NCBP1: variants seen among roughly 807,000 people sequenced by gnomAD.
NCBP1 encodes the protein nuclear cap-binding protein subunit 1.
A neutral mutation model predicts 111.7 loss-of-function variants in NCBP1; 16 were observed. The ratio of observed to expected loss-of-function variants is 0.14; its 90% CI spans 0.10 to 0.22. The LOEUF (loss-of-function observed/expected upper bound fraction) is 0.22, where lower values mean the gene tolerates loss of function less well. Ranked by LOEUF, NCBP1 falls within the 10% of genes least tolerant of loss-of-function variation. NCBP1 has a pLI of 1.00. For missense variants in NCBP1, 607 were observed against 957.5 expected (o/e 0.63, Z 4.83); for synonymous variants, 304 against 314.3 (o/e 0.97, Z 0.35).
Position 97,672,719 on chromosome 9 carries a change from TG to T in NCBP1, c.*1521del. On this transcript the variant is annotated 3_prime_UTR_variant, in exon 23 of 23. Transcript: ENST00000375147. The stretch of plus-strand genomic sequence containing the variant: ...GACCAGCCCCTTGTCTTCCTCAGCC[TG>T]CTCAACGTGAAGATGATGAGGATGA... 1 of 179,856 alleles carries T rather than the reference TG, an allele frequency of 5.6e-6. No individual in the cohort carries two copies. 11.1% of individuals were successfully genotyped at this position (179,856 alleles called of 1,614,324 possible).
At chr9:97,643,823 T>G (rs542880681) in intron 4 of NCBP1, among the ~76,000 whole-genome samples, 3 of 152,284 alleles carry the variant, frequency 2.0e-5, no homozygotes, top group South Asian at 2.1e-4. Flanking sequence ...TAGCATAGTT[T>G]ATGCCTTCCT....
chr9:97,660,663 T>C (rs1007887331), intron 15 of NCBP1, among the ~76,000 whole-genome samples: 3 of 152,212 alleles, frequency 2.0e-5, no homozygotes, highest in Admixed American at 1.3e-4. Flanking sequence ...ACCATTCATC[T>C]TGAGGATGAT....
intron 20 of NCBP1, 32 bp downstream of exon 20, chr9:97,666,909 A>G (rs1828021264): frequency 1.4e-6 from 2 of 1,411,360 alleles, no homozygotes; most frequent in African/African-American, 1.5e-5. Flanking sequence ...AAGTAGTTAA[A>G]GAAAATATAC....
intron 12 of NCBP1, 96 bp downstream of exon 12, chr9:97,655,040 G>GTTTAGTT: frequency 1.8e-6 from 2 of 1,119,426 alleles, no homozygotes; most frequent in Non-Finnish European, 2.5e-6. Flanking sequence ...GAATTTCCAT[G>GTTTAGTT]TTTAGTTTTT....
chr9:97,641,525 A>T, intron 2 of NCBP1, 37 bp from the exon 3 acceptor site: 1 of 1,441,840 alleles, frequency 6.9e-7, no homozygotes, highest in East Asian at 2.5e-5. Flanking sequence ...TATGTTGCTG[A>T]GTACTTGACA....
At position 97,673,604 on chromosome 9, in the gene NCBP1, TGTAAGAGCAAACATTC is replaced by T. The variant is rs1265931484; in HGVS notation, c.*2406_*2421del. 1 of 152,210 alleles carries T rather than the reference TGTAAGAGCAAACATTC, an allele frequency of 6.6e-6. No individual in the cohort carries two copies. Among genetic ancestry groups the T allele is most frequent in the African/African-American group, 2.4e-5 (1 of 41,470 alleles). 9.4% of individuals were successfully genotyped at this position (152,210 alleles called of 1,614,324 possible). ...GAATTGAGTTTTGAAGAAATAAAGG[TGTAAGAGCAAACATTC>T]AACAGTTGCTGTCCCCAGTAATGAA... On this transcript the variant is annotated 3_prime_UTR_variant, in exon 23 of 23. Coordinates refer to ENST00000375147, the MANE Select transcript of NCBP1 (RefSeq NM_002486.5).
At chr9:97,647,863 A>T in intron 7 of NCBP1, 145 bp from the exon 8 acceptor site, 1 of 783,112 alleles carries the variant, frequency 1.3e-6, no homozygotes, top group Non-Finnish European at 2.0e-6. Context: ...TAAGTAAAAT[A>T]AAAACAAAAA....
In NCBP1 at chr9:97,669,631, C is replaced by T. The variant is rs755462350; in HGVS notation, c.2184C>T (p.Cys728=). Residue 728 remains cysteine (C), a synonymous_variant, in exon 22 of 23, where the codon TGC becomes TGT. Coordinates refer to ENST00000375147, the MANE Select transcript of NCBP1 (RefSeq NM_002486.5). The part of the protein sequence containing the change: ...IMILTEHLVR[C]ETDGTSVLTP... ...TCTTGACCGAGCACCTAGTACGATGCGAAACTGATGGGACCAGTGTATTAA... is the reference window on the plus strand; with the variant it reads ...TCTTGACCGAGCACCTAGTACGATGTGAAACTGATGGGACCAGTGTATTAA... 9 of 1,612,864 alleles carry T rather than the reference C, an allele frequency of 5.6e-6. No individual in the cohort carries two copies. In the East Asian group the frequency reaches 6.7e-5, roughly 12 times the overall value.
intron 17 of NCBP1, 28 bp from the exon 18 acceptor site, chr9:97,662,922 ATATG>A (rs759896177): frequency 5.5e-5 from 81 of 1,462,774 alleles, no homozygotes; most frequent in Non-Finnish European, 4.8e-5. Context: ...GAATAAGTAT[ATATG>A]GTATTTTTTT....
chr9:97,666,736 A>C (rs78698121), intron 19 of NCBP1, 27 bp from the exon 20 acceptor site: 354 of 1,439,944 alleles, frequency 2.5e-4, no homozygotes, highest in Non-Finnish European at 3.2e-4. Flanking sequence ...CTTGACATAC[A>C]GTAACCAAAT....
In NCBP1 at chr9:97,671,448, C is replaced by G. The variant is rs1828191161; in HGVS notation, c.*249C>G. On this transcript the variant is annotated 3_prime_UTR_variant, in exon 23 of 23. Coordinates refer to ENST00000375147, the MANE Select transcript of NCBP1 (RefSeq NM_002486.5). ...GTGACAGATACAAATTCTCTGTGAT[C>G]AGTTTGTTATTTTTTTTCTCCTTAA... 2.6e-6 allele frequency: 1 copy of G among 379,500 alleles called. No individual in the cohort carries two copies. The highest frequency in any genetic ancestry group is 2.1e-5 in the African/African-American group (1 of 47,450). The allele number at this position is 379,500 out of a possible 1,614,324, so 23.5% of individuals were successfully genotyped here.
At chr9:97,636,035 C>T (rs1170112880) in intron 1 of NCBP1, 1 of 152,030 alleles carries the variant, frequency 6.6e-6, no homozygotes, top group Non-Finnish European at 1.5e-5. Context: ...GGTCTTGCCG[C>T]GAGAACCTCA....
At position 97,662,088 on chromosome 9, in the gene NCBP1, G is replaced by C. The variant is rs1564027630; in HGVS notation, c.1647G>C (p.Gln549His). The C allele has an allele frequency of 6.2e-7, 1 of 1,613,964 alleles. No individual in the cohort carries two copies. The highest frequency in any genetic ancestry group is 8.5e-7 in the Non-Finnish European group (1 of 1,179,864). ...CATTGAAAATAGAAGTCTTTGTACA[G>C]ACTCTGCTACACTTGGCAGCCAAAT... ...FNPLKIEVFVQTLLHLAAKSF... is the reference protein window; with the variant it reads ...FNPLKIEVFVHTLLHLAAKSF... The change falls in exon 17 of 23, where the codon CAG (glutamine) becomes CAC (histidine). Residue 549 changes from glutamine to histidine, a missense_variant. Gln to His is a conservative substitution (Grantham distance 24). Around this residue, in one of 9 missense-constraint regions of NCBP1, gnomAD observed 282 missense variants for 376.5 expected, o/e 0.75. Coordinates refer to ENST00000375147, the MANE Select transcript of NCBP1 (RefSeq NM_002486.5).
intron 18 of NCBP1, among the ~76,000 whole-genome samples, chr9:97,664,007 C>T (rs1195185558): frequency 6.6e-6 from 1 of 151,514 alleles, no homozygotes; most frequent in Non-Finnish European, 1.5e-5. Context: ...AGTGAAACCC[C>T]GTCTATACTA....
At chr9:97,664,877 T>C (rs2131364944) in intron 19 of NCBP1, among the ~76,000 whole-genome samples, 1 of 152,300 alleles carries the variant, frequency 6.6e-6, no homozygotes, top group Admixed American at 6.5e-5. Context: ...CCAGGAAAGC[T>C]TGGTGATTAA....
intron 5 of NCBP1, 103 bp from the exon 6 acceptor site, chr9:97,645,508 G>C: frequency 2.5e-6 from 3 of 1,192,690 alleles, no homozygotes. Context: ...TCTTATTTAA[G>C]TCCTATTAAA....
Position 97,672,213 on chromosome 9 carries a change from A to G in NCBP1, c.*1014A>G, listed in dbSNP as rs1244607196. 2.0e-5 allele frequency: 3 copies of G among 152,146 alleles called. No homozygotes were observed. Among genetic ancestry groups the G allele is most frequent in the Non-Finnish European group, 2.9e-5 (2 of 68,020 alleles). The allele number at this position is 152,146 out of a possible 1,614,324, so 9.4% of individuals were successfully genotyped here. A position where few individuals can be genotyped will look rare whatever the true frequency, so the allele number is the denominator to read the frequency against. ...TTGTCTGACATTCCAAATTTCGAGGATTTTTAGACTTTTTTCATTAAACCT... is the reference window on the plus strand; with the variant it reads ...TTGTCTGACATTCCAAATTTCGAGGGTTTTTAGACTTTTTTCATTAAACCT... On this transcript the variant is annotated 3_prime_UTR_variant, in exon 23 of 23. Coordinates refer to ENST00000375147, the MANE Select transcript of NCBP1 (RefSeq NM_002486.5).
At chr9:97,645,255 G>T in intron 5 of NCBP1, 31 bp downstream of exon 5, 1 of 1,489,670 alleles carries the variant, frequency 6.7e-7, no homozygotes, top group African/African-American at 1.4e-5. Flanking sequence ...GAATCTTGAG[G>T]GGTTCTTGAG....
At chr9:97,657,668 G>A (rs1182636875) in intron 14 of NCBP1, among the ~76,000 whole-genome samples, 1 of 152,090 alleles carries the variant, frequency 6.6e-6, no homozygotes, top group Non-Finnish European at 1.5e-5. Flanking sequence ...CACTAAGATG[G>A]TTGCCAAGTG....
Sources: allele counts gnomAD v4.1 joint callset (sites outside exome capture counted in the v4.1 genomes callset), GRCh38; gene constraint gnomAD v4.1.1; regional missense constraint gnomAD v4.1.1; transcripts MANE v1.5; gene names NCBI Gene and HGNC (gene_info 2026-07-23, HGNC 2026-07-21).